BCL7A: variants seen among roughly 807,000 people sequenced by gnomAD.
BCL7A encodes the protein BAF chromatin remodeling complex subunit BCL7A, also known as B-cell CLL/lymphoma 7 protein family member A.
Under a neutral mutation model 28.4 loss-of-function variants are expected in BCL7A, and 11 were observed. The observed-to-expected ratio is 0.39, with a 90% CI of 0.24 to 0.64. BCL7A has a LOEUF of 0.64. Among genes scored for constraint, BCL7A ranks in the 30% least tolerant of loss-of-function variants. The pLI, the probability that BCL7A is intolerant of heterozygous loss-of-function variation, is 0.50. For synonymous variants in BCL7A, 123 were observed against 103.3 expected (o/e 1.19, Z -1.15); for missense variants, 222 against 274.8 (o/e 0.81, Z 1.36).
chr12:122,038,634 G>A (rs1477341065), intron 3 of BCL7A, among the ~76,000 whole-genome samples: 3 of 151,818 alleles, frequency 2.0e-5, no homozygotes, highest in Admixed American at 6.6e-5. Flanking sequence ...GAGACCCCAC[G>A]CCCGACTCAG....
In BCL7A at chr12:122,047,141, A is replaced by ATCCACCCACCTCGGCC. The variant is rs1412483401; in HGVS notation, c.439+3092_439+3107dup. Among the ~76,000 whole-genome samples the ATCCACCCACCTCGGCC allele has an allele frequency of 1.3e-5, 2 of 150,876 alleles. 1 individual carries two copies. Among genetic ancestry groups the ATCCACCCACCTCGGCC allele is most frequent in the African/African-American group, 4.9e-5 (2 of 41,086 alleles). On this transcript the variant is annotated intron_variant, in intron 4 of 5. Coordinates refer to ENST00000261822, the MANE Select transcript of BCL7A (RefSeq NM_001024808.3). ...CTGTTCTCAATCTCCTGACCTCGGG[A>ATCCACCCACCTCGGCC]TCCACCCACCTCGGCCTCCTAAAGT...
intron 1 of BCL7A, among the ~76,000 whole-genome samples, chr12:122,028,725 A>G (rs1593022781): frequency 6.6e-6 from 1 of 152,202 alleles, no homozygotes; most frequent in East Asian, 1.9e-4. Context: ...ATCTGTAAAA[A>G]GGGTGACAAT....
chr12:122,056,044 TAGGGCGC>T (rs1951876319), intron 5 of BCL7A, among the ~76,000 whole-genome samples: 1 of 152,224 alleles, frequency 6.6e-6, no homozygotes, highest in African/African-American at 2.4e-5. Flanking sequence ...TGAGACAGAC[TAGGGCGC>T]AGCCATCTAG....
At chr12:122,036,160 T>C (rs1306604578) in intron 3 of BCL7A, among the ~76,000 whole-genome samples, 2 of 152,118 alleles carry the variant, frequency 1.3e-5, no homozygotes, top group Non-Finnish European at 2.9e-5. Flanking sequence ...GATTTCTGAT[T>C]TCATGTTAAT....
rs192315643 is a variant in BCL7A, at chr12:122,029,819, G to C, written c.93-881G>C. 4.6e-5 allele frequency among the ~76,000 whole-genome samples: 7 copies of C among 152,318 alleles called. No individual in the cohort carries two copies. In the East Asian group the frequency reaches 1.2e-3, roughly 25 times the overall value. Reference sequence around the variant, plus strand: ...TAAGGGACAAGTCGGAGTGCAGGGGGTCAAGGACAGGAGGTGGCTGGCTGT... The same window carrying C: ...TAAGGGACAAGTCGGAGTGCAGGGGCTCAAGGACAGGAGGTGGCTGGCTGT... On this transcript the variant is annotated intron_variant, in intron 1 of 5. Coordinates refer to ENST00000261822, the MANE Select transcript of BCL7A (RefSeq NM_001024808.3). This position sits in a 1 kb window ranked among gnomAD's most constrained non-coding sequence, Gnocchi z 4.3.
intron 1 of BCL7A, among the ~76,000 whole-genome samples, 171 bp downstream of exon 1, chr12:122,022,354 C>T (rs902771569): frequency 2.1e-5 from 3 of 143,468 alleles, no homozygotes; most frequent in African/African-American, 7.5e-5. Context: ...CGAGCCGGGT[C>T]ACCTGCGCCA....
At chr12:122,025,140 C>T (rs1436936500) in intron 1 of BCL7A, among the ~76,000 whole-genome samples, 1 of 152,194 alleles carries the variant, frequency 6.6e-6, no homozygotes, top group East Asian at 1.9e-4. Flanking sequence ...GGTTTGGGGG[C>T]CCTGTGCTGG....
intron 4 of BCL7A, among the ~76,000 whole-genome samples, chr12:122,051,587 T>C (rs1304014482): frequency 6.6e-6 from 1 of 152,172 alleles, no homozygotes; most frequent in Non-Finnish European, 1.5e-5. Flanking sequence ...CTCTAGGGCC[T>C]GGCTCTCAGG....
rs186690669 is a variant in BCL7A, at chr12:122,055,194, C to T, written c.561+268C>T. Reference sequence around the variant, plus strand: ...GATGAAGGGACCTTGAACCCAGCCTCGGCTGCTACGTTTTGTCTGTTCAGG... The same window carrying T: ...GATGAAGGGACCTTGAACCCAGCCTTGGCTGCTACGTTTTGTCTGTTCAGG... On this transcript the variant is annotated intron_variant, in intron 5 of 5. Transcript: ENST00000261822. Among the ~76,000 whole-genome samples the T allele has an allele frequency of 1.6e-4, 24 of 152,322 alleles. No individual in the cohort carries two copies. The East Asian group carries it at 2.3e-3, about 15-fold the overall frequency.
chr12:122,044,171 A>G, intron 4 of BCL7A, 118 bp downstream of exon 4: 2 of 1,215,632 alleles, frequency 1.6e-6, no homozygotes, highest in Non-Finnish European at 1.1e-6. Flanking sequence ...GGAGACAGTA[A>G]AGAGAGGTGA....
chr12:122,024,467 T>G (rs1244378920), intron 1 of BCL7A, among the ~76,000 whole-genome samples: 4 of 151,702 alleles, frequency 2.6e-5, no homozygotes, highest in South Asian at 2.1e-4. Flanking sequence ...TTTTTGTTTT[T>G]TTTTTTTTTT....
intron 1 of BCL7A, among the ~76,000 whole-genome samples, chr12:122,024,272 A>G (rs564381480): frequency 6.6e-6 from 1 of 152,260 alleles, no homozygotes; most frequent in South Asian, 2.1e-4. Flanking sequence ...GACCTTGGGC[A>G]TATCATTGTC....
chr12:122,031,776 A>C (rs766141567), intron 2 of BCL7A, among the ~76,000 whole-genome samples: 1 of 151,966 alleles, frequency 6.6e-6, no homozygotes, highest in Non-Finnish European at 1.5e-5. Context: ...CGCCATCCCG[A>C]CTTCCACCAC....
chr12:122,049,035 A>AT (rs1491333665), intron 4 of BCL7A, among the ~76,000 whole-genome samples: 1,335 of 58,086 alleles, frequency 0.023, 20 homozygotes, highest in South Asian at 0.092. Context: ...AAAAAAAAAA[A>AT]ATATATATAT....
intron 1 of BCL7A, among the ~76,000 whole-genome samples, chr12:122,025,313 C>G (rs1268349167): frequency 6.8e-6 from 1 of 146,524 alleles, no homozygotes; most frequent in Non-Finnish European, 1.5e-5. Context: ...GCCTGGGTCT[C>G]AAACCAAAAA....
At position 122,060,594 on chromosome 12, in the gene BCL7A, C is replaced by T. The variant is rs1951913315; in HGVS notation, c.*1431C>T. ...GACCTTAAACCTTTTCCTAAGCTTT[C>T]TTTACTGCACTGGAGTTCTGACTCC... On this transcript the variant is annotated 3_prime_UTR_variant, in exon 6 of 6. Coordinates refer to ENST00000261822, the MANE Select transcript of BCL7A (RefSeq NM_001024808.3). 1.3e-5 allele frequency: 3 copies of T among 233,010 alleles called. No homozygotes were observed. The highest frequency in any genetic ancestry group is 1.8e-4 in the South Asian group (1 of 5,524). The allele number at this position is 233,010 out of a possible 1,614,324, so 14.4% of individuals were successfully genotyped here.
chr12:122,059,465 A>T lies in BCL7A; in HGVS notation c.*302A>T, dbSNP rs1353941369. On this transcript the variant is annotated 3_prime_UTR_variant, in exon 6 of 6. Coordinates refer to ENST00000261822, the MANE Select transcript of BCL7A (RefSeq NM_001024808.3). The surrounding 1 kb of genome is among the most constrained non-coding windows in gnomAD (Gnocchi z 4.0). ...AGGATTCCATTTGTGTTGCTGCTGT[A>T]TTTTCCCCCCACTTCTCTATGTAAC... 3.0e-6 allele frequency: 1 copy of T among 338,856 alleles called. No individual in the cohort carries two copies. The highest frequency in any genetic ancestry group is 5.2e-5 in the South Asian group (1 of 19,314). The allele number at this position is 338,856 out of a possible 1,614,324, so 21.0% of individuals were successfully genotyped here.
At chr12:122,024,376 C>T (rs1883564218) in intron 1 of BCL7A, among the ~76,000 whole-genome samples, 1 of 152,050 alleles carries the variant, frequency 6.6e-6, no homozygotes, top group Admixed American at 6.5e-5. Flanking sequence ...CCGAGAGCAC[C>T]GCGCCCTGGG....
chr12:122,043,413 G>GGGT (rs2135851860), intron 3 of BCL7A, among the ~76,000 whole-genome samples: 1 of 137,406 alleles, frequency 7.3e-6, no homozygotes, highest in South Asian at 2.4e-4. Flanking sequence ...GTGGGTGGGT[G>GGGT]GGTGGGGGTC....
Sources: allele counts gnomAD v4.1 joint callset (sites outside exome capture counted in the v4.1 genomes callset), GRCh38; gene constraint gnomAD v4.1.1; non-coding constraint Gnocchi (gnomAD v3.1); transcripts MANE v1.5; gene names NCBI Gene and HGNC (gene_info 2026-07-23, HGNC 2026-07-21).